PHF21B: variants seen among roughly 807,000 people sequenced by gnomAD.
PHF21B encodes the protein PHD finger protein 21B.
Under a neutral mutation model 62.2 loss-of-function variants are expected in PHF21B, and 22 were observed. That is an observed-to-expected ratio of 0.35 (90% confidence interval 0.25 to 0.51). The LOEUF (loss-of-function observed/expected upper bound fraction) is 0.51, where lower values mean the gene tolerates loss of function less well. Among genes scored for constraint, PHF21B ranks in the 20% least tolerant of loss-of-function variants. The probability of loss-of-function intolerance (pLI) is 0.97; values close to 1 mark genes in which losing one functional copy is unlikely to be tolerated. For missense variants in PHF21B, 701 were observed against 707.9 expected (o/e 0.99, Z 0.11); for synonymous variants, 341 against 314.7 (o/e 1.08, Z -0.88).
At chr22:44,974,069 GTGAC>G (rs923380218) in intron 2 of PHF21B, among the ~76,000 whole-genome samples, 6 of 152,164 alleles carry the variant, frequency 3.9e-5, no homozygotes, top group Non-Finnish European at 7.3e-5. Context: ...GCAGACAGGC[GTGAC>G]TATCAGTTCC....
At position 44,940,901 on chromosome 22, in the gene PHF21B, G is replaced by A. The variant is rs1406332118; in HGVS notation, c.121-20411C>T. Among the ~76,000 whole-genome samples the A allele has an allele frequency of 2.6e-5, 4 of 152,234 alleles. No homozygotes were observed. The East Asian group carries it at 7.7e-4, about 29-fold the overall frequency. Reference sequence around the variant, plus strand: ...GGCATCCAAAGCTTGGGGTGGGGCTGTGGAGGTGAGTGGGGGGCTGTCGTT... The same window carrying A: ...GGCATCCAAAGCTTGGGGTGGGGCTATGGAGGTGAGTGGGGGGCTGTCGTT... On this transcript the variant is annotated intron_variant, in intron 2 of 12. Coordinates refer to ENST00000313237, the MANE Select transcript of PHF21B (RefSeq NM_138415.5).
chr22:44,921,622 C>G (rs1931027566), intron 2 of PHF21B, among the ~76,000 whole-genome samples: 1 of 151,954 alleles, frequency 6.6e-6, no homozygotes, highest in African/African-American at 2.4e-5. Flanking sequence ...CCCGCCTCGG[C>G]CTCCCAAAGT....
chr22:44,961,734 G>A (rs773482945), intron 2 of PHF21B, among the ~76,000 whole-genome samples: 18 of 151,946 alleles, frequency 1.2e-4, no homozygotes, highest in Admixed American at 5.2e-4. Flanking sequence ...CCAGCTATTC[G>A]AGAGGCAGAG....
chr22:44,912,992 G>C (rs2071371396), intron 5 of PHF21B, among the ~76,000 whole-genome samples: 1 of 152,072 alleles, frequency 6.6e-6, no homozygotes. Context: ...GTTGGCCTAG[G>C]ATGCCGAGGA....
At chr22:44,981,930 C>T (rs1258944394) in intron 2 of PHF21B, among the ~76,000 whole-genome samples, 14 of 152,262 alleles carry the variant, frequency 9.2e-5, no homozygotes, top group Admixed American at 9.2e-4. Flanking sequence ...ACGTACCCCA[C>T]TGCTGAGAAA....
In PHF21B at chr22:45,009,402, G is replaced by C; in HGVS notation, c.54+94C>G. The C allele has an allele frequency of 7.7e-7, 1 of 1,300,968 alleles. No individual in the cohort carries two copies. 80.6% of individuals were successfully genotyped at this position (1,300,968 alleles called of 1,614,324 possible). ...GGCAGGCTCCAGCCTGGAAGACCCA[G>C]AGACCCGGAAGAGAGGATGCTGGGC... On this transcript the variant is annotated intron_variant, in intron 1 of 12. Coordinates refer to ENST00000313237, the MANE Select transcript of PHF21B (RefSeq NM_138415.5). The surrounding 1 kb of genome is among the most constrained non-coding windows in gnomAD (Gnocchi z 5.9).
chr22:44,955,827 T>C (rs544991977), intron 2 of PHF21B, among the ~76,000 whole-genome samples: 3 of 152,166 alleles, frequency 2.0e-5, no homozygotes, highest in South Asian at 4.1e-4. Flanking sequence ...CTGTATCCCA[T>C]TGGTTCTGCT....
intron 2 of PHF21B, among the ~76,000 whole-genome samples, chr22:45,000,364 C>T (rs1324676261): frequency 6.6e-6 from 1 of 152,126 alleles, no homozygotes; most frequent in African/African-American, 2.4e-5. Flanking sequence ...AGGAGTGTGG[C>T]GCCCTCAGGA....
chr22:44,899,710 T>G (rs1189157397), intron 5 of PHF21B, among the ~76,000 whole-genome samples: 3 of 152,280 alleles, frequency 2.0e-5, no homozygotes, highest in Middle Eastern at 3.4e-3. Flanking sequence ...CCTTAAATAT[T>G]GAATATTCTT....
At chr22:45,006,795 C>A (rs2073321741) in intron 2 of PHF21B, among the ~76,000 whole-genome samples, 1 of 151,624 alleles carries the variant, frequency 6.6e-6, no homozygotes, top group Admixed American at 6.6e-5. Context: ...GCCGTTTTAC[C>A]CAGTGAAAAA....
chr22:44,985,804 ACACCAT>A (rs375151249), intron 2 of PHF21B, among the ~76,000 whole-genome samples: 113 of 152,098 alleles, frequency 7.4e-4, no homozygotes, highest in South Asian at 1.9e-3. Context: ...GTAGCTATCA[ACACCAT>A]CACCATCACC....
chr22:44,994,488 G>A (rs1195870339), intron 2 of PHF21B, among the ~76,000 whole-genome samples: 2 of 152,204 alleles, frequency 1.3e-5, no homozygotes, highest in South Asian at 2.1e-4. Context: ...GAGGGAGTGC[G>A]GCCCTGCTGA....
At chr22:44,898,816 T>G (rs2071105341) in intron 5 of PHF21B, among the ~76,000 whole-genome samples, 1 of 152,230 alleles carries the variant, frequency 6.6e-6, no homozygotes, top group South Asian at 2.1e-4. Context: ...GATCCTGGTG[T>G]GCCCGGTGTG....
chr22:44,972,948 G>A (rs913159566), intron 2 of PHF21B, among the ~76,000 whole-genome samples: 2 of 152,192 alleles, frequency 1.3e-5, no homozygotes, highest in Non-Finnish European at 2.9e-5. Context: ...CAGAGATGAG[G>A]AGGCACACCC....
rs2072148696 is a variant in PHF21B at position 44,949,353 on chromosome 22, A to G, written c.121-28863T>C. Reference sequence around the variant, plus strand: ...AAAAAGAGAGCTGAGGTAGGTGATCATGCACCAGCTGGAAGAGGGAAGGCC... The same window carrying G: ...AAAAAGAGAGCTGAGGTAGGTGATCGTGCACCAGCTGGAAGAGGGAAGGCC... On this transcript the variant is annotated intron_variant, in intron 2 of 12. Coordinates refer to ENST00000313237, the MANE Select transcript of PHF21B (RefSeq NM_138415.5). 2.0e-5 allele frequency among the ~76,000 whole-genome samples: 3 copies of G among 151,908 alleles called. No homozygotes were observed. The South Asian group carries it at 6.2e-4, about 32-fold the overall frequency.
In PHF21B at chr22:44,914,303, T is replaced by C. The variant is rs559809052; in HGVS notation, c.565-215A>G. 3.0e-3 allele frequency among the ~76,000 whole-genome samples: 461 copies of C among 152,276 alleles called. 3 individuals are homozygous for C. Among genetic ancestry groups the C allele is most frequent in the African/African-American group, 0.011 (452 of 41,548 alleles). Reference sequence around the variant, plus strand: ...TTTTCCACCATGGGGAGGGTCTGCATGAGAAGCTGGCCTGGTTTAGGAACT... The same window carrying C: ...TTTTCCACCATGGGGAGGGTCTGCACGAGAAGCTGGCCTGGTTTAGGAACT... On this transcript the variant is annotated intron_variant, in intron 4 of 12. Coordinates refer to ENST00000313237, the MANE Select transcript of PHF21B (RefSeq NM_138415.5).
chr22:44,988,630 G>A (rs2072993496), intron 2 of PHF21B, among the ~76,000 whole-genome samples: 1 of 152,152 alleles, frequency 6.6e-6, no homozygotes, highest in African/African-American at 2.4e-5. Flanking sequence ...TCCTCTGCTA[G>A]AACCCAAGAA....
chr22:44,923,307 T>A (rs1370397990), intron 2 of PHF21B, among the ~76,000 whole-genome samples: 2 of 148,298 alleles, frequency 1.3e-5, no homozygotes, highest in African/African-American at 5.0e-5. Context: ...AGAAAAGAAC[T>A]TCAGTCCATA....
intron 9 of PHF21B, among the ~76,000 whole-genome samples, chr22:44,889,536 G>C (rs1040546638): frequency 2.0e-5 from 3 of 152,182 alleles, no homozygotes; most frequent in Admixed American, 2.0e-4. Context: ...GCTCCTGTTT[G>C]AAGCTGAGAG....
Sources: allele counts gnomAD v4.1 joint callset (sites outside exome capture counted in the v4.1 genomes callset), GRCh38; gene constraint gnomAD v4.1.1; non-coding constraint Gnocchi (gnomAD v3.1); transcripts MANE v1.5; gene names NCBI Gene and HGNC (gene_info 2026-07-23, HGNC 2026-07-21).